Variants in RPS6KC1 observed in about 807,000 individuals in gnomAD.
RPS6KC1 encodes ribosomal protein S6 kinase C1.
In RPS6KC1, 54 loss-of-function variants were observed where a neutral mutation model predicts 103.8. The ratio of observed to expected loss-of-function variants is 0.52; its 90% CI spans 0.42 to 0.65. The LOEUF (loss-of-function observed/expected upper bound fraction) is 0.65, where lower values mean the gene tolerates loss of function less well. RPS6KC1 is among the 30% of genes least tolerant of loss of function. RPS6KC1 has a pLI of 0.00. For synonymous variants in RPS6KC1, 439 were observed against 438.7 expected (o/e 1.00, Z -0.01); for missense variants, 1,151 against 1,253.8 (o/e 0.92, Z 1.24).
the RPS6KC1 span, among the ~76,000 whole-genome samples, chr1:213,739,424 G>T: frequency 6.6e-6 from 1 of 152,096 alleles, no homozygotes; most frequent in Admixed American, 6.6e-5. Context: ...TTTTGACTGT[G>T]CAGGGGCTGG....
At chr1:213,575,631 C>A in the RPS6KC1 span, among the ~76,000 whole-genome samples, 1 of 152,160 alleles carries the variant, frequency 6.6e-6, no homozygotes, top group Non-Finnish European at 1.5e-5. Flanking sequence ...GCCTCCCTAG[C>A]CATGCTGAAC....
intron 3 of RPS6KC1, among the ~76,000 whole-genome samples, chr1:213,094,690 G>C (rs2081295394): frequency 6.6e-6 from 1 of 152,084 alleles, no homozygotes; most frequent in South Asian, 2.1e-4. Flanking sequence ...TCTTAGAGTT[G>C]GCCTGGAATT....
the RPS6KC1 span, among the ~76,000 whole-genome samples, chr1:213,858,640 A>G: frequency 6.6e-6 from 1 of 152,324 alleles, no homozygotes; most frequent in South Asian, 2.1e-4. Context: ...TGGAATCTAC[A>G]ACCAGTTAGC....
At chr1:213,364,985 C>T in the RPS6KC1 span, among the ~76,000 whole-genome samples, 1 of 152,024 alleles carries the variant, frequency 6.6e-6, no homozygotes, top group South Asian at 2.1e-4. Context: ...AAATAAAAAT[C>T]TCAGGGTTGA....
intron 8 of RPS6KC1, among the ~76,000 whole-genome samples, chr1:213,196,255 T>A (rs1037714051): frequency 2.0e-5 from 3 of 152,238 alleles, no homozygotes; most frequent in Non-Finnish European, 4.4e-5. Context: ...TTTTTTCATA[T>A]GTTTGTTGGC....
chr1:213,513,290 T>A, the RPS6KC1 span, among the ~76,000 whole-genome samples: 1 of 152,184 alleles, frequency 6.6e-6, no homozygotes, highest in East Asian at 1.9e-4. Context: ...TGCTAACACC[T>A]TGTTGTTAGC....
intron 3 of RPS6KC1, among the ~76,000 whole-genome samples, chr1:213,083,867 A>G (rs2080133864): frequency 6.6e-6 from 1 of 152,190 alleles, no homozygotes; most frequent in Non-Finnish European, 1.5e-5. Context: ...GGATTAGGTT[A>G]TAAAAAAGAC....
At chr1:213,427,250 G>A in the RPS6KC1 span, among the ~76,000 whole-genome samples, 2 of 152,198 alleles carry the variant, frequency 1.3e-5, no homozygotes, top group Non-Finnish European at 2.9e-5. Context: ...AGAGCCATAT[G>A]TATCTCTTTG....
chr1:213,619,517 G>T, the RPS6KC1 span, among the ~76,000 whole-genome samples: 1 of 152,214 alleles, frequency 6.6e-6, no homozygotes, highest in Non-Finnish European at 1.5e-5. Flanking sequence ...GAGCACTAAA[G>T]AAAATAAATG....
At chr1:213,821,810 G>A in the RPS6KC1 span, 1 of 152,266 alleles carries the variant, frequency 6.6e-6, no homozygotes, top group African/African-American at 2.4e-5. Flanking sequence ...GAGGAGAAAT[G>A]ACCAGGATCA....
chr1:213,207,039 G>T (rs1007422058), intron 8 of RPS6KC1, among the ~76,000 whole-genome samples: 6 of 152,152 alleles, frequency 3.9e-5, no homozygotes, highest in Non-Finnish European at 5.9e-5. Context: ...ACTCTGGGAG[G>T]CGGAGGTTGC....
chr1:213,517,405 T>A, the RPS6KC1 span, among the ~76,000 whole-genome samples: 2 of 152,238 alleles, frequency 1.3e-5, no homozygotes, highest in Non-Finnish European at 2.9e-5. Context: ...TTTGAATGTG[T>A]CCCAGAGATT....
At chr1:213,746,453 T>C in the RPS6KC1 span, among the ~76,000 whole-genome samples, 3 of 152,038 alleles carry the variant, frequency 2.0e-5, no homozygotes, top group Admixed American at 6.5e-5. Flanking sequence ...TGTGTGTGGG[T>C]GGCCGAGGGT....
chr1:213,153,871 T>A (rs2089556668), intron 6 of RPS6KC1, among the ~76,000 whole-genome samples: 1 of 152,226 alleles, frequency 6.6e-6, no homozygotes, highest in Non-Finnish European at 1.5e-5. Context: ...TGTTTTTTTT[T>A]ATTTCTTCAG....
chr1:213,112,126 C>T (rs905669330), intron 4 of RPS6KC1, among the ~76,000 whole-genome samples: 2 of 151,856 alleles, frequency 1.3e-5, no homozygotes, highest in African/African-American at 4.8e-5. Context: ...TTTTTTTGTG[C>T]TGAAGTAGAG....
chr1:213,655,752 T>C, the RPS6KC1 span, among the ~76,000 whole-genome samples: 2 of 152,186 alleles, frequency 1.3e-5, no homozygotes, highest in African/African-American at 4.8e-5. Context: ...AAAATATATA[T>C]ATACTGAATA....
At chr1:213,098,266 C>T (rs1351372691) in intron 3 of RPS6KC1, among the ~76,000 whole-genome samples, 2 of 151,246 alleles carry the variant, frequency 1.3e-5, no homozygotes, top group Non-Finnish European at 2.9e-5. Flanking sequence ...CAGGGGACTA[C>T]AGGCATACTA....
chr1:213,757,740 C>A, the RPS6KC1 span, among the ~76,000 whole-genome samples: 1 of 152,204 alleles, frequency 6.6e-6, no homozygotes, highest in Non-Finnish European at 1.5e-5. Flanking sequence ...ACAACCAGGA[C>A]TTTCATAGCT....
intron 4 of RPS6KC1, among the ~76,000 whole-genome samples, chr1:213,108,198 G>T (rs1190095317): frequency 1.3e-5 from 2 of 152,080 alleles, no homozygotes; most frequent in East Asian, 3.9e-4. Flanking sequence ...AGATCATGAA[G>T]ATTTTCTTCT....
Sources: allele counts gnomAD v4.1 joint callset (sites outside exome capture counted in the v4.1 genomes callset), GRCh38; gene constraint gnomAD v4.1.1; transcripts MANE v1.5; gene names NCBI Gene and HGNC (gene_info 2026-07-23, HGNC 2026-07-21).